The following NBEA variants were observed in gnomAD, a reference collection of about 807,000 sequenced individuals.
NBEA encodes the protein lysosomal-trafficking regulator 2.
A neutral mutation model predicts 343.4 loss-of-function variants in NBEA; 44 were observed. The ratio of observed to expected loss-of-function variants is 0.13; its 90% CI spans 0.10 to 0.16. The LOEUF is 0.16. Among genes scored for constraint, NBEA ranks in the 10% least tolerant of loss-of-function variants. The pLI is 1.00. For missense variants in NBEA, 2,555 were observed against 3,631.3 expected, an observed-to-expected ratio of 0.70 and a Z score of 7.62; for synonymous variants, 1,175 against 1,238.7, an observed-to-expected ratio of 0.95 and a Z score of 1.08.
At chr13:34,971,782 G>A (rs1002196193) in intron 1 of NBEA, among the ~76,000 whole-genome samples, 5 of 151,430 alleles carry the variant, frequency 3.3e-5, no homozygotes, top group Non-Finnish European at 5.9e-5. Context: ...TTTTTGCATC[G>A]ATATTCATCA....
chr13:35,409,261 G>A (rs1220704995), intron 38 of NBEA, among the ~76,000 whole-genome samples: 4 of 151,974 alleles, frequency 2.6e-5, no homozygotes, highest in African/African-American at 9.7e-5. Context: ...GAAACACCAC[G>A]TGTTCTCACT....
intron 38 of NBEA, among the ~76,000 whole-genome samples, chr13:35,422,002 A>C (rs1346033441): frequency 6.6e-6 from 1 of 151,386 alleles, no homozygotes; most frequent in Non-Finnish European, 1.5e-5. Context: ...CCATGGATTT[A>C]TCATGTTTAG....
At chr13:35,225,820 A>G (rs1373471540) in intron 33 of NBEA, among the ~76,000 whole-genome samples, 1 of 152,054 alleles carries the variant, frequency 6.6e-6, no homozygotes, top group Non-Finnish European at 1.5e-5. Context: ...CTGTTTGGTT[A>G]CCTAGCAACC....
chr13:34,960,075 G>C (rs778370184), intron 1 of NBEA, among the ~76,000 whole-genome samples: 1 of 152,152 alleles, frequency 6.6e-6, no homozygotes, highest in Admixed American at 6.6e-5. Context: ...TATGATAAGA[G>C]ATGACAGCTC....
intron 10 of NBEA, among the ~76,000 whole-genome samples, chr13:35,094,175 A>T (rs2065219890): frequency 6.6e-6 from 1 of 152,062 alleles, no homozygotes; most frequent in Non-Finnish European, 1.5e-5. Flanking sequence ...ATAAATGAGT[A>T]ATAACCTCAC....
chr13:35,610,321 A>C (rs902064213), intron 48 of NBEA, among the ~76,000 whole-genome samples: 1 of 152,162 alleles, frequency 6.6e-6, no homozygotes, highest in Non-Finnish European at 1.5e-5. Context: ...TGAGCCTAGG[A>C]GGTCGAAGCT....
intron 10 of NBEA, among the ~76,000 whole-genome samples, chr13:35,081,945 T>A (rs968133030): frequency 1.3e-5 from 2 of 152,124 alleles, no homozygotes; most frequent in Admixed American, 6.6e-5. Flanking sequence ...ACTTTAAGTT[T>A]TAGGGTACAT....
At chr13:35,447,954 G>A (rs947072355) in intron 39 of NBEA, among the ~76,000 whole-genome samples, 5 of 152,122 alleles carry the variant, frequency 3.3e-5, no homozygotes, top group African/African-American at 1.2e-4. Flanking sequence ...CTTTTTGCCT[G>A]TAATTTTGAT....
chr13:35,081,695 A>AT (rs1224341956), intron 10 of NBEA, among the ~76,000 whole-genome samples: 1 of 152,124 alleles, frequency 6.6e-6, no homozygotes, highest in African/African-American at 2.4e-5. Context: ...AGAACAGAAG[A>AT]TTTTTTATAT....
At chr13:35,189,678 A>T (rs185403142) in intron 30 of NBEA, among the ~76,000 whole-genome samples, 2 of 152,056 alleles carry the variant, frequency 1.3e-5, no homozygotes, top group Non-Finnish European at 2.9e-5. Context: ...TGAGTTCTAA[A>T]CATTACTTGT....
intron 41 of NBEA, among the ~76,000 whole-genome samples, chr13:35,483,491 A>T (rs2076195713): frequency 6.6e-6 from 1 of 152,006 alleles, no homozygotes; most frequent in South Asian, 2.1e-4. Flanking sequence ...GTGTATAAAT[A>T]TACATTATCC....
At chr13:35,324,445 A>G (rs182042683) in intron 36 of NBEA, among the ~76,000 whole-genome samples, 1 of 152,372 alleles carries the variant, frequency 6.6e-6, no homozygotes, top group Non-Finnish European at 1.5e-5. Flanking sequence ...ATAAAGATCC[A>G]GTCCCAGCCA....
chr13:35,351,157 T>C (rs901493633), intron 37 of NBEA, among the ~76,000 whole-genome samples: 2 of 151,946 alleles, frequency 1.3e-5, no homozygotes, highest in Non-Finnish European at 2.9e-5. Context: ...AATAGATAAA[T>C]GAGAGGAATA....
At chr13:35,116,117 C>T (rs2066480907) in intron 13 of NBEA, among the ~76,000 whole-genome samples, 1 of 152,078 alleles carries the variant, frequency 6.6e-6, no homozygotes, top group Admixed American at 6.6e-5. Flanking sequence ...GTTAGATATT[C>T]AGGAATTTTA....
intron 1 of NBEA, among the ~76,000 whole-genome samples, chr13:35,031,149 G>A (rs7995781): frequency 0.31 from 46,416 of 151,232 alleles, 7,986 homozygotes; most frequent in Middle Eastern, 0.52. Flanking sequence ...CCTCATTATC[G>A]GCTTCTATTG....
Position 34,942,700 on chromosome 13 carries a change from C to T in NBEA, c.-121C>T. On this transcript the variant is annotated 5_prime_UTR_variant, in exon 1 of 59. Transcript: ENST00000379939. ...CGCAGGCGGGGAGCGGGCCCGGCGC[C>T]GCGGCGCTGGTGGATGCTGGGGCTC... 2.7e-6 allele frequency: 2 copies of T among 735,314 alleles called. No individual in the cohort carries two copies. The highest frequency in any genetic ancestry group is 1.8e-5 in the African/African-American group (1 of 54,396). The allele number at this position is 735,314 out of a possible 1,614,324, so 45.5% of individuals were successfully genotyped here.
rs2080166679 is a variant in NBEA at position 35,567,006 on chromosome 13, G to A, written c.7024G>A (p.Asp2342Asn). ...CCTGACTCTTCCAGGAAACTTCAGGGATCTATCAAAGGTAACTTTTAAATA... is the reference window on the plus strand; with the variant it reads ...CCTGACTCTTCCAGGAAACTTCAGGAATCTATCAAAGGTAACTTTTAAATA... ...LDLTLPGNFR[D>N]LSKPIGALNP... is the part of the protein sequence containing the mutation. Residue 2342 changes from aspartate to asparagine, a missense_variant, in exon 45 of 59, where the codon GAT (aspartate) becomes AAT (asparagine). By Grantham distance (23) the Asp-to-Asn change is conservative (BLOSUM62 1). Transcript: ENST00000379939. The A allele has an allele frequency of 3.8e-6, 6 of 1,598,634 alleles. No homozygotes were observed. Among genetic ancestry groups the A allele is most frequent in the Non-Finnish European group, 5.1e-6 (6 of 1,166,910 alleles).
chr13:34,969,517 C>T (rs544794117), intron 1 of NBEA, among the ~76,000 whole-genome samples: 1 of 151,850 alleles, frequency 6.6e-6, no homozygotes, highest in African/African-American at 2.4e-5. Flanking sequence ...AGGTATTAGC[C>T]TAGTAGACAT....
At chr13:35,418,676 A>T (rs1274580922) in intron 38 of NBEA, among the ~76,000 whole-genome samples, 1 of 152,112 alleles carries the variant, frequency 6.6e-6, no homozygotes, top group East Asian at 1.9e-4. Flanking sequence ...CCTGGCACAG[A>T]TGCCAAATAT....
Sources: gnomAD v4.1 joint callset for allele counts (sites outside exome capture counted in the v4.1 genomes callset) on GRCh38, gnomAD v4.1.1 for gene constraint, MANE v1.5 for transcripts, NCBI Gene and HGNC (gene_info 2026-07-23, HGNC 2026-07-21) for gene names.